AUTS2: variants seen among roughly 807,000 people sequenced by gnomAD.
AUTS2 encodes autism susceptibility gene 2 protein.
AUTS2 carries 17 observed loss-of-function variants against 112.4 expected under a neutral mutation model. That is an observed-to-expected ratio of 0.15 (90% CI 0.10 to 0.23). The LOEUF (loss-of-function observed/expected upper bound fraction) is 0.23, where lower values mean the gene tolerates loss of function less well. Ranked by LOEUF, AUTS2 falls within the 10% of genes least tolerant of loss-of-function variation. The probability of loss-of-function intolerance (pLI) is 1.00; values close to 1 mark genes in which losing one functional copy is unlikely to be tolerated. For synonymous variants in AUTS2, 751 were observed against 702.7 expected (o/e 1.07, Z -1.09); for missense variants, 1,510 against 1,701.6 (o/e 0.89, Z 1.98).
intron 1 of AUTS2, among the ~76,000 whole-genome samples, chr7:69,720,851 C>T (rs569573060): frequency 4.4e-4 from 67 of 152,096 alleles, no homozygotes; most frequent in African/African-American, 1.4e-3. Context: ...GAAATCACTA[C>T]GAAATATTTT....
At chr7:70,527,601 C>T (rs1468787870) in intron 5 of AUTS2, among the ~76,000 whole-genome samples, 1 of 151,926 alleles carries the variant, frequency 6.6e-6, no homozygotes, top group Non-Finnish European at 1.5e-5. Context: ...TGTCTCTACC[C>T]TATGCTACCT....
chr7:70,496,685 T>TCACA (rs1798537147), intron 5 of AUTS2, among the ~76,000 whole-genome samples: 15 of 50,040 alleles, frequency 3.0e-4, no homozygotes, highest in Admixed American at 7.4e-4. Context: ...CACACCCCAC[T>TCACA]CACACCACGT....
chr7:70,536,519 C>G (rs1800323848), intron 5 of AUTS2, among the ~76,000 whole-genome samples: 1 of 148,620 alleles, frequency 6.7e-6, no homozygotes, highest in Non-Finnish European at 1.5e-5. Context: ...CTCTAAGAAA[C>G]CAGATTCAAT....
chr7:70,175,780 T>A (rs1433924452), intron 4 of AUTS2, among the ~76,000 whole-genome samples: 1 of 152,240 alleles, frequency 6.6e-6, no homozygotes, highest in Non-Finnish European at 1.5e-5. Flanking sequence ...GTAACTACAT[T>A]GAATTTTTAG....
At chr7:69,971,163 G>A (rs1474779124) in intron 2 of AUTS2, among the ~76,000 whole-genome samples, 1 of 152,232 alleles carries the variant, frequency 6.6e-6, no homozygotes, top group East Asian at 1.9e-4. Context: ...GGGCGACAGA[G>A]CAAGACCCTG....
chr7:70,720,602 TA>T (rs35185920), intron 6 of AUTS2, among the ~76,000 whole-genome samples: 8 of 152,164 alleles, frequency 5.3e-5, no homozygotes, highest in Non-Finnish European at 8.8e-5. Flanking sequence ...TGGTTCCCTC[TA>T]AAAAGGTCCT....
At chr7:69,908,511 A>T (rs1433715612) in intron 2 of AUTS2, among the ~76,000 whole-genome samples, 1 of 152,204 alleles carries the variant, frequency 6.6e-6, no homozygotes, top group Non-Finnish European at 1.5e-5. Flanking sequence ...TAGCTCACAA[A>T]TGTGGGCAAG....
At chr7:70,350,216 G>A (rs1791684948) in intron 4 of AUTS2, among the ~76,000 whole-genome samples, 1 of 152,204 alleles carries the variant, frequency 6.6e-6, no homozygotes, top group African/African-American at 2.4e-5. Flanking sequence ...GGTCCTTGAA[G>A]AGACCTATTT....
chr7:70,411,504 C>A (rs1794773892), intron 4 of AUTS2, among the ~76,000 whole-genome samples: 1 of 152,012 alleles, frequency 6.6e-6, no homozygotes, highest in African/African-American at 2.4e-5. Flanking sequence ...AAGGGCACAG[C>A]ATAGGTAAAC....
chr7:69,972,781 C>T (rs1299290617), intron 2 of AUTS2, among the ~76,000 whole-genome samples: 2 of 151,508 alleles, frequency 1.3e-5, no homozygotes, highest in South Asian at 4.2e-4. Flanking sequence ...GTTCTTGTAC[C>T]TTTGTCCAAA....
At chr7:69,749,150 T>C (rs1441677408) in intron 1 of AUTS2, among the ~76,000 whole-genome samples, 4 of 152,126 alleles carry the variant, frequency 2.6e-5, no homozygotes, top group Non-Finnish European at 5.9e-5. Flanking sequence ...TAATAAATAG[T>C]GATGAGACTG....
At chr7:70,442,806 G>A (rs982213674) in intron 5 of AUTS2, among the ~76,000 whole-genome samples, 1 of 152,040 alleles carries the variant, frequency 6.6e-6, no homozygotes, top group Non-Finnish European at 1.5e-5. Context: ...TTTTATTTTG[G>A]ATGCGTGATT....
At chr7:70,021,240 C>T (rs1800259023) in intron 2 of AUTS2, among the ~76,000 whole-genome samples, 1 of 152,192 alleles carries the variant, frequency 6.6e-6, no homozygotes, top group Non-Finnish European at 1.5e-5. Flanking sequence ...CCTTGGCCTC[C>T]CAAAGTGCTG....
chr7:70,734,168 G>A (rs918637152), intron 6 of AUTS2, among the ~76,000 whole-genome samples: 1 of 151,970 alleles, frequency 6.6e-6, no homozygotes, highest in African/African-American at 2.4e-5. Context: ...GGTCGGGTGT[G>A]GTGGCTCACG....
At chr7:70,043,340 C>T (rs1182876520) in intron 2 of AUTS2, among the ~76,000 whole-genome samples, 1 of 152,130 alleles carries the variant, frequency 6.6e-6, no homozygotes, top group African/African-American at 2.4e-5. Context: ...CCTCCTCTCC[C>T]TTGAATAATA....
chr7:69,887,649 A>AAAAGG (rs1794335847), intron 1 of AUTS2, among the ~76,000 whole-genome samples: 1 of 152,198 alleles, frequency 6.6e-6, no homozygotes, highest in Non-Finnish European at 1.5e-5. Flanking sequence ...TTTAGGAAAG[A>AAAAGG]AAAGGAAAGT....
intron 5 of AUTS2, among the ~76,000 whole-genome samples, chr7:70,512,247 T>C (rs1199960859): frequency 1.3e-5 from 2 of 152,188 alleles, no homozygotes; most frequent in Non-Finnish European, 2.9e-5. Flanking sequence ...CACATATCCA[T>C]GTGATATTAG....
At position 70,749,078 on chromosome 7, in the gene AUTS2, T is replaced by C. The variant is rs916534515; in HGVS notation, c.743-13792T>C. 1.6e-4 allele frequency among the ~76,000 whole-genome samples: 24 copies of C among 152,206 alleles called. 1 individual carries two copies. The highest frequency in any genetic ancestry group is 6.5e-5 in the Admixed American group (1 of 15,296). On this transcript the variant is annotated intron_variant, in intron 6 of 18. Coordinates refer to ENST00000342771, the MANE Select transcript of AUTS2 (RefSeq NM_015570.4). ...CCTGTTGCTGGCTTTCGTGAATATG[T>C]TGTTTTTGGGGGTAGCTCCTAATCT...
intron 4 of AUTS2, among the ~76,000 whole-genome samples, chr7:70,417,327 C>T (rs1050000850): frequency 4.6e-5 from 7 of 152,168 alleles, no homozygotes; most frequent in African/African-American, 1.4e-4. Context: ...ACCATCAGGG[C>T]GCTCAGCTCT....
Sources: allele counts gnomAD v4.1 joint callset (sites outside exome capture counted in the v4.1 genomes callset), GRCh38; gene constraint gnomAD v4.1.1; transcripts MANE v1.5; gene names NCBI Gene and HGNC (gene_info 2026-07-23, HGNC 2026-07-21).